The following RTN3 variants were observed in gnomAD, a reference collection of about 807,000 sequenced individuals.
RTN3 encodes the protein reticulon 3, also known as reticulon-3.
In RTN3, 49 loss-of-function variants were observed where a neutral mutation model predicts 77.8. The observed-to-expected ratio is 0.63, with a 90% CI of 0.50 to 0.80. The LOEUF is 0.80. Ranked by LOEUF, RTN3 falls within the 30% of genes least tolerant of loss-of-function variation. RTN3 has a pLI of 0.00. For missense variants in RTN3, 1,236 were observed against 1,211.9 expected (o/e 1.02, Z -0.29); for synonymous variants, 464 against 446.9 (o/e 1.04, Z -0.48).
At chr11:63,687,109 G>A (rs1050201616) in intron 1 of RTN3, among the ~76,000 whole-genome samples, 8 of 152,096 alleles carry the variant, frequency 5.3e-5, no homozygotes, top group African/African-American at 1.2e-4. Flanking sequence ...TGTGGCCCCC[G>A]TCCAACACTG....
chr11:63,711,906 C>G (rs1037221627), intron 2 of RTN3, among the ~76,000 whole-genome samples: 11 of 151,918 alleles, frequency 7.2e-5, no homozygotes, highest in African/African-American at 2.4e-4. Context: ...ATTATTTTGC[C>G]CAGGCTCGTC....
chr11:63,728,929 A>G (rs1440370630), intron 3 of RTN3, among the ~76,000 whole-genome samples: 1 of 151,794 alleles, frequency 6.6e-6, no homozygotes, highest in Non-Finnish European at 1.5e-5. Flanking sequence ...GTAGCTAGAG[A>G]AGAATGACAC....
At chr11:63,753,426 T>C (rs1269052354) in intron 6 of RTN3, among the ~76,000 whole-genome samples, 1 of 152,240 alleles carries the variant, frequency 6.6e-6, no homozygotes, top group African/African-American at 2.4e-5. Flanking sequence ...AATTTGGAAA[T>C]TGTTATTTGT....
At chr11:63,696,272 C>T (rs1941935445) in intron 1 of RTN3, among the ~76,000 whole-genome samples, 1 of 151,818 alleles carries the variant, frequency 6.6e-6, no homozygotes, top group South Asian at 2.1e-4. Flanking sequence ...TGGTGCGTAC[C>T]TGTAATCCCA....
At chr11:63,739,400 A>G (rs2013329631) in intron 3 of RTN3, among the ~76,000 whole-genome samples, 1 of 152,178 alleles carries the variant, frequency 6.6e-6, no homozygotes. Context: ...TCCCTGTAGG[A>G]CTTTAGGAAG....
In RTN3 at chr11:63,759,229, G is replaced by A. The variant is rs11551942; in HGVS notation, c.*1028G>A. The A allele has an allele frequency of 0.11, 16,630 of 152,074 alleles. 1,031 individuals carry two copies. The highest frequency in any genetic ancestry group is 0.16 in the South Asian group (777 of 4,802). 9.4% of individuals were successfully genotyped at this position (152,074 alleles called of 1,614,324 possible). On this transcript the variant is annotated 3_prime_UTR_variant, in exon 9 of 9. Transcript: ENST00000377819. Reference sequence around the variant, plus strand: ...ATCTTTTCCCGAGATTCAAATCTCCGATTCCCATTTGGGGGCAAGTTTTTT... The same window carrying A: ...ATCTTTTCCCGAGATTCAAATCTCCAATTCCCATTTGGGGGCAAGTTTTTT...
intron 2 of RTN3, chr11:63,714,614 G>A (rs2011290805): frequency 6.6e-6 from 1 of 151,262 alleles, no homozygotes; most frequent in Non-Finnish European, 1.5e-5. Context: ...CCAGACTCAA[G>A]CAATCCTCCC....
chr11:63,714,167 T>G (rs1351489487), intron 2 of RTN3: 1 of 390,264 alleles, frequency 2.6e-6, no homozygotes. Flanking sequence ...TGTCCAAGTT[T>G]GTTAGGGTTT....
chr11:63,756,235 C>T (rs2135068964), intron 8 of RTN3, 65 bp downstream of exon 8: 1 of 1,111,366 alleles, frequency 9.0e-7, no homozygotes, highest in Non-Finnish European at 1.4e-6. Context: ...ATCTTTAGTC[C>T]CTTGTACAAA....
intron 1 of RTN3, among the ~76,000 whole-genome samples, chr11:63,703,556 T>G (rs1230538923): frequency 6.6e-6 from 1 of 151,490 alleles, no homozygotes; most frequent in Admixed American, 6.6e-5. Flanking sequence ...TTTCTTTTTT[T>G]TTTTTTTGAG....
In RTN3 at chr11:63,720,403, A is replaced by G. The variant is rs780626375; in HGVS notation, c.1901A>G (p.Tyr634Cys). The G allele has an allele frequency of 5.6e-6, 9 of 1,613,836 alleles. No individual in the cohort carries two copies. Among genetic ancestry groups the G allele is most frequent in the Non-Finnish European group, 6.8e-6 (8 of 1,179,982 alleles). Residue 634 changes from tyrosine (Y) to cysteine (C), a missense_variant, in exon 3 of 9, where the codon TAT (tyrosine) becomes TGT (cysteine). Coordinates refer to ENST00000377819, the MANE Select transcript of RTN3 (RefSeq NM_001265589.2). The stretch of plus-strand genomic sequence containing the variant: ...TCATTAAATGTGACAACATCTGCCT[A>G]TTTGGAGTCATTACATGGGAAAAAT... ...EFSLNVTTSA[Y>C]LESLHGKNVK... is the part of the protein sequence containing the mutation.
chr11:63,717,582 G>T (rs1315773642), intron 2 of RTN3, among the ~76,000 whole-genome samples: 2 of 151,240 alleles, frequency 1.3e-5, no homozygotes, highest in African/African-American at 4.9e-5. Context: ...TAGAGATGAG[G>T]TTTCACCATT....
chr11:63,704,005 A>T (rs184048328), intron 1 of RTN3, among the ~76,000 whole-genome samples: 39 of 150,892 alleles, frequency 2.6e-4, no homozygotes, highest in African/African-American at 7.5e-4. Context: ...TTAATTAATT[A>T]ATTTATTTTT....
chr11:63,715,194 GC>G lies in RTN3; in HGVS notation c.200-3507del, dbSNP rs1403224115. ...CCTCTGTGTTGTAAGCTCCATAAAG[GC>G]AAGAAATTTTTTCTGTTTTATTCAC... is the stretch of plus-strand genomic sequence containing the variant. On this transcript the variant is annotated intron_variant, in intron 2 of 8. Transcript: ENST00000377819. 3.3e-5 allele frequency among the ~76,000 whole-genome samples: 5 copies of G among 152,222 alleles called. No individual in the cohort carries two copies. The South Asian group carries it at 1.0e-3, about 32-fold the overall frequency.
chr11:63,712,389 A>G lies in RTN3; in HGVS notation c.200-6313A>G, dbSNP rs539516518. Among the ~76,000 whole-genome samples the G allele has an allele frequency of 2.0e-5, 3 of 152,252 alleles. No individual in the cohort carries two copies. In the East Asian group the frequency reaches 5.8e-4, roughly 29 times the overall value. ...CTCATTTAATCCTCACAGCAGTTCT[A>G]AAGTTAGGTGCTTTAATTTTCCCAT... On this transcript the variant is annotated intron_variant, in intron 2 of 8. Coordinates refer to ENST00000377819, the MANE Select transcript of RTN3 (RefSeq NM_001265589.2).
chr11:63,749,455 G>A (rs973007803), intron 3 of RTN3, among the ~76,000 whole-genome samples: 2 of 151,940 alleles, frequency 1.3e-5, no homozygotes, highest in African/African-American at 2.4e-5. Flanking sequence ...TTTATACACT[G>A]GGGCAAAATT....
At chr11:63,742,870 TTTG>T (rs1565339273) in intron 3 of RTN3, among the ~76,000 whole-genome samples, 1 of 148,558 alleles carries the variant, frequency 6.7e-6, no homozygotes, top group Non-Finnish European at 1.5e-5. Flanking sequence ...TATATATATT[TTTG>T]TTTGTTTGTT....
chr11:63,738,575 G>A (rs1003819625), intron 3 of RTN3, among the ~76,000 whole-genome samples: 3 of 150,060 alleles, frequency 2.0e-5, no homozygotes, highest in South Asian at 2.1e-4. Context: ...TCGGGAAGTC[G>A]AGGCTACAGT....
intron 2 of RTN3, among the ~76,000 whole-genome samples, chr11:63,716,272 A>G (rs1410249591): frequency 6.6e-6 from 1 of 152,252 alleles, no homozygotes; most frequent in Non-Finnish European, 1.5e-5. Flanking sequence ...TGTCTTTAAT[A>G]AAATAATTTT....
Sources: gnomAD v4.1 joint callset for allele counts (sites outside exome capture counted in the v4.1 genomes callset) on GRCh38, gnomAD v4.1.1 for gene constraint, MANE v1.5 for transcripts, NCBI Gene and HGNC (gene_info 2026-07-23, HGNC 2026-07-21) for gene names.